Variants in CCND2 observed in about 807,000 individuals in gnomAD.
The protein encoded by CCND2 is cyclin D2.
In CCND2, 6 loss-of-function variants were observed where a neutral mutation model predicts 30.2. The observed-to-expected ratio is 0.20, with a 90% confidence interval of 0.11 to 0.39. The LOEUF (loss-of-function observed/expected upper bound fraction) is 0.39. Among genes scored for constraint, CCND2 ranks in the 10% least tolerant of loss-of-function variants. The pLI, the probability that CCND2 is intolerant of heterozygous loss-of-function variation, is 1.00. For missense variants in CCND2, 235 were observed against 373.4 expected (o/e 0.63, Z 3.06); for synonymous variants, 150 against 153.1 (o/e 0.98, Z 0.15).
At chr12:4,290,402 A>C (rs976153312) in intron 4 of CCND2, among the ~76,000 whole-genome samples, 1 of 152,246 alleles carries the variant, frequency 6.6e-6, no homozygotes, top group African/African-American at 2.4e-5. Context: ...ATGCTTTTCT[A>C]ATCCTCCAGA....
At chr12:4,297,213 A>T (rs1030419859) in intron 4 of CCND2, among the ~76,000 whole-genome samples, 1 of 152,176 alleles carries the variant, frequency 6.6e-6, no homozygotes, top group African/African-American at 2.4e-5. Context: ...TTAGTATTAA[A>T]TTTTTTAGAT....
chr12:4,292,180 T>G (rs1009603565), intron 4 of CCND2, among the ~76,000 whole-genome samples: 3 of 152,104 alleles, frequency 2.0e-5, no homozygotes, highest in African/African-American at 7.2e-5. Flanking sequence ...TAAATGGATA[T>G]ATATATATGT....
intron 4 of CCND2, chr12:4,297,905 C>T (rs1027835665): frequency 3.5e-5 from 15 of 434,548 alleles, no homozygotes; most frequent in Middle Eastern, 3.4e-4. Flanking sequence ...TGCTGCGTCA[C>T]GTCTGTCATG....
rs887338600 is a variant in CCND2, at chr12:4,282,017, A to G, written c.571+3098A>G. On this transcript the variant is annotated intron_variant, in intron 3 of 4. Transcript: ENST00000261254. This position sits in a 1 kb window ranked among gnomAD's most constrained non-coding sequence, Gnocchi z 4.3. ...GCATTCCTGTTCCTGGAGTTTCCAA[A>G]ACTGGGGAAGCAGAACTGAGCCATA... Among the ~76,000 whole-genome samples, 5 of 152,096 alleles carry G rather than the reference A, an allele frequency of 3.3e-5. No homozygotes were observed. The South Asian group carries it at 1.0e-3, about 32-fold the overall frequency.
In CCND2 at chr12:4,300,473, A is replaced by G. The variant is rs187268980; in HGVS notation, c.*464A>G. The stretch of plus-strand genomic sequence containing the variant: ...AAGCAATGAACTCAAGAAGGAATTG[A>G]AATAAGGAGGGACATGATGGGGAAG... On this transcript the variant is annotated 3_prime_UTR_variant, in exon 5 of 5. Transcript: ENST00000261254. The G allele has an allele frequency of 3.0e-5, 7 of 236,574 alleles. No individual in the cohort carries two copies. The highest frequency in any genetic ancestry group is 2.2e-4 in the Admixed American group (4 of 18,392). 14.7% of individuals were successfully genotyped at this position (236,574 alleles called of 1,614,324 possible).
At position 4,276,939 on chromosome 12, in the gene CCND2, C is replaced by T. The variant is rs3217796; in HGVS notation, c.411+719C>T. Among the ~76,000 whole-genome samples, 23 of 152,350 alleles carry T rather than the reference C, an allele frequency of 1.5e-4. 1 individual carries two copies. The South Asian group carries it at 4.3e-3, about 29-fold the overall frequency. The stretch of plus-strand genomic sequence containing the variant: ...GCAGCTGTACCGCATGGAATAGCGG[C>T]TCCAAGGCCCACCTTCGGTGGTTTG... On this transcript the variant is annotated intron_variant, in intron 2 of 4. Transcript: ENST00000261254. The surrounding 1 kb of genome is among the most constrained non-coding windows in gnomAD (Gnocchi z 4.8).
rs553724162 is a variant in CCND2, at chr12:4,274,064, G to A, written c.24G>A (p.Val8=). The A allele has an allele frequency of 5.0e-6, 8 of 1,612,594 alleles. No individual in the cohort carries two copies. In the East Asian group the frequency reaches 1.6e-4, roughly 31 times the overall value. MELLCHE[V]DPVRRAVRDR... ...CCATGGAGCTGCTGTGCCACGAGGT[G>A]GACCCGGTCCGCAGGGCCGTGCGGG... The change falls in exon 1 of 5, where the codon GTG becomes GTA. Residue 8 remains valine (V), a synonymous_variant. Transcript: ENST00000261254. This position sits in a 1 kb window ranked among gnomAD's most constrained non-coding sequence, Gnocchi z 7.7.
chr12:4,278,579 A>T, intron 2 of CCND2, 181 bp from the exon 3 acceptor site: 1 of 508,982 alleles, frequency 2.0e-6, no homozygotes, highest in Non-Finnish European at 3.5e-6. Flanking sequence ...AAGCATAAGA[A>T]GAGCTGTCAA....
intron 4 of CCND2, among the ~76,000 whole-genome samples, chr12:4,296,520 A>G (rs3217905): frequency 0.44 from 67,494 of 152,290 alleles, 15,707 homozygotes; most frequent in East Asian, 0.73. Context: ...GTGCACACGC[A>G]CACACACGCA....
chr12:4,282,591 G>A lies in CCND2; in HGVS notation c.571+3672G>A, dbSNP rs1333109571. The stretch of plus-strand genomic sequence containing the variant: ...ATCTGCAAGTCTCTGAGCTACCCCT[G>A]AAGCCGCGAGGTCATGGGACTGAGG... On this transcript the variant is annotated intron_variant, in intron 3 of 4. Transcript: ENST00000261254. This position sits in a 1 kb window ranked among gnomAD's most constrained non-coding sequence, Gnocchi z 4.3. Among the ~76,000 whole-genome samples, 1 of 152,208 alleles carries A rather than the reference G, an allele frequency of 6.6e-6. No homozygotes were observed. Among genetic ancestry groups the A allele is most frequent in the African/African-American group, 2.4e-5 (1 of 41,450 alleles).
At position 4,273,880 on chromosome 12, in the gene CCND2, C is replaced by A; in HGVS notation, c.-161C>A. 1 of 689,148 alleles carries A rather than the reference C, an allele frequency of 1.5e-6. No homozygotes were observed. Among genetic ancestry groups the A allele is most frequent in the Non-Finnish European group, 2.4e-6 (1 of 416,450 alleles). The allele number at this position is 689,148 out of a possible 1,614,324, so 42.7% of individuals were successfully genotyped here. A position where few individuals can be genotyped will look rare whatever the true frequency, so the allele number is the denominator to read the frequency against. On this transcript the variant is annotated 5_prime_UTR_variant, in exon 1 of 5. Coordinates refer to ENST00000261254, the MANE Select transcript of CCND2 (RefSeq NM_001759.4). This position sits in a 1 kb window ranked among gnomAD's most constrained non-coding sequence, Gnocchi z 5.9. ...CCCAATCCTCGCCTCCCTTCTGCTCCACCTTCTCTCTCTGCCCTCACCTCT... is the reference window on the plus strand; with the variant it reads ...CCCAATCCTCGCCTCCCTTCTGCTCAACCTTCTCTCTCTGCCCTCACCTCT...
rs1419887570 is a variant in CCND2 at position 4,304,650 on chromosome 12, T to G, written c.*4641T>G. 3 of 233,510 alleles carry G rather than the reference T, an allele frequency of 1.3e-5. No individual in the cohort carries two copies. The East Asian group carries it at 1.8e-4, about 14-fold the overall frequency. 14.5% of individuals were successfully genotyped at this position (233,510 alleles called of 1,614,324 possible). ...TATCAGACCCTATTCTCGGCTCAGG[T>G]TTTGAGAAGCCATCAGCAAATGTGT... On this transcript the variant is annotated 3_prime_UTR_variant, in exon 5 of 5. Coordinates refer to ENST00000261254, the MANE Select transcript of CCND2 (RefSeq NM_001759.4). This position sits in a 1 kb window ranked among gnomAD's most constrained non-coding sequence, Gnocchi z 6.2.
intron 3 of CCND2, among the ~76,000 whole-genome samples, chr12:4,281,342 C>T (rs536011238): frequency 5.3e-5 from 8 of 152,268 alleles, no homozygotes; most frequent in South Asian, 2.1e-4. Context: ...GTACAAACAC[C>T]GAAGGCCGCT....
rs758726781 is a variant in CCND2 at position 4,278,792 on chromosome 12, G to A, written c.444G>A (p.Lys148=). The A allele has an allele frequency of 6.2e-7, 1 of 1,614,106 alleles. No homozygotes were observed. The highest frequency in any genetic ancestry group is 8.5e-7 in the Non-Finnish European group (1 of 1,180,028). Residue 148 remains lysine (K), a synonymous_variant, in exon 3 of 5, where the codon AAG becomes AAA. Coordinates refer to ENST00000261254, the MANE Select transcript of CCND2 (RefSeq NM_001759.4). ...AACTGGTGGTGCTGGGGAAGTTGAA[G>A]TGGAACCTGGCAGCTGTCACTCCTC... ...EWELVVLGKL[K]WNLAAVTPHD...
In CCND2 at chr12:4,299,929, G is replaced by A; in HGVS notation, c.790G>A (p.Asp264Asn). ...LLNSLQQYRQ[D>N]QRDGSKSEDE... ...CAATAGCCTGCAGCAGTACCGTCAG[G>A]ACCAACGTGACGGATCCAAGTCGGA... The change falls in exon 5 of 5, where the codon GAC becomes AAC. Residue 264 changes from aspartate (D) to asparagine (N), a missense_variant. Physicochemically the swap from Asp to Asn is conservative, Grantham distance 23. This residue lies in a region of CCND2 where 57 missense variants were observed against 50.7 expected (regional missense o/e 1.12). Coordinates refer to ENST00000261254, the MANE Select transcript of CCND2 (RefSeq NM_001759.4). This position sits in a 1 kb window ranked among gnomAD's most constrained non-coding sequence, Gnocchi z 5.2. 1.2e-6 allele frequency: 2 copies of A among 1,614,146 alleles called. No individual in the cohort carries two copies. The highest frequency in any genetic ancestry group is 1.7e-6 in the Non-Finnish European group (2 of 1,180,030).
chr12:4,278,694 G>C (rs1221865622), intron 2 of CCND2, 66 bp from the exon 3 acceptor site: 1 of 1,556,078 alleles, frequency 6.4e-7, no homozygotes, highest in East Asian at 2.3e-5. Flanking sequence ...CCAACCCCCA[G>C]CCCCCTACAC....
intron 1 of CCND2, among the ~76,000 whole-genome samples, 163 bp from the exon 2 acceptor site, chr12:4,275,842 C>T (rs1002953460): frequency 6.6e-6 from 1 of 151,978 alleles, no homozygotes; most frequent in African/African-American, 2.4e-5. Context: ...GTTTCCTCAT[C>T]TTTGTTCTTT....
In CCND2 at chr12:4,285,499, C is replaced by T; in HGVS notation, c.572-3343C>T. The T allele has an allele frequency of 2.5e-6, 2 of 808,008 alleles. No individual in the cohort carries two copies. Among genetic ancestry groups the T allele is most frequent in the Non-Finnish European group, 3.0e-6 (2 of 668,220 alleles). The allele number at this position is 808,008 out of a possible 1,614,324, so 50.1% of individuals were successfully genotyped here. A position where few individuals can be genotyped will look rare whatever the true frequency, so the allele number is the denominator to read the frequency against. On this transcript the variant is annotated intron_variant, in intron 3 of 4. Transcript: ENST00000261254. The surrounding 1 kb of genome is among the most constrained non-coding windows in gnomAD (Gnocchi z 4.1). ...TACAAACTCATCTGTGTTTCTCCCA[C>T]CTAACAGAACAGCTTTTATTTTCCG...
At chr12:4,292,133 ATG>A (rs1306462841) in intron 4 of CCND2, among the ~76,000 whole-genome samples, 3 of 152,216 alleles carry the variant, frequency 2.0e-5, no homozygotes, top group South Asian at 2.1e-4. Flanking sequence ...TGATAGTAAA[ATG>A]TGTGTGTGTA....
Sources: gnomAD v4.1 joint callset for allele counts (sites outside exome capture counted in the v4.1 genomes callset) on GRCh38, gnomAD v4.1.1 for gene constraint, gnomAD v4.1.1 regional missense constraint, Gnocchi (gnomAD v3.1) non-coding constraint, MANE v1.5 for transcripts, NCBI Gene and HGNC (gene_info 2026-07-23, HGNC 2026-07-21) for gene names.